ZFAND3: variants seen among roughly 807,000 people sequenced by gnomAD.
ZFAND3 encodes the protein AN1-type zinc finger protein 3.
A neutral mutation model predicts 29.6 loss-of-function variants in ZFAND3; 10 were observed. That is an observed-to-expected ratio of 0.34 (90% confidence interval 0.21 to 0.57). ZFAND3 has a LOEUF of 0.57. ZFAND3 is among the 20% of genes least tolerant of loss of function. ZFAND3 has a pLI of 0.86. For missense variants in ZFAND3, 230 were observed against 304.5 expected (o/e 0.76, Z 1.82); for synonymous variants, 128 against 112.6 (o/e 1.14, Z -0.87).
chr6:37,933,844 T>C (rs575164895), intron 2 of ZFAND3, among the ~76,000 whole-genome samples: 5 of 151,884 alleles, frequency 3.3e-5, no homozygotes, highest in Non-Finnish European at 7.4e-5. Context: ...CTTTAAAGGC[T>C]AAAATCATTT....
At chr6:37,854,390 A>G (rs904552945) in intron 1 of ZFAND3, among the ~76,000 whole-genome samples, 42 of 152,204 alleles carry the variant, frequency 2.8e-4, no homozygotes, top group African/African-American at 9.9e-4. Context: ...TTAATTTCAC[A>G]TGTTTTGGAC....
intron 5 of ZFAND3, among the ~76,000 whole-genome samples, chr6:38,138,783 TGAG>T (rs1236743058): frequency 1.9e-4 from 29 of 152,258 alleles, no homozygotes; most frequent in Non-Finnish European, 1.2e-4. Context: ...GCAGAGAAGA[TGAG>T]GAGATAAACT....
chr6:38,077,346 A>G (rs1215754995), intron 3 of ZFAND3, among the ~76,000 whole-genome samples: 1 of 152,206 alleles, frequency 6.6e-6, no homozygotes, highest in Non-Finnish European at 1.5e-5. Flanking sequence ...GATAGAGTGG[A>G]ATTGACAAGC....
At chr6:38,068,080 A>G (rs537548418) in intron 3 of ZFAND3, among the ~76,000 whole-genome samples, 5 of 152,304 alleles carry the variant, frequency 3.3e-5, no homozygotes, top group Non-Finnish European at 5.9e-5. Flanking sequence ...GAGAGTACCT[A>G]TCTCATACAA....
intron 3 of ZFAND3, among the ~76,000 whole-genome samples, chr6:38,065,231 G>A (rs9366947): frequency 0.083 from 12,613 of 151,822 alleles, 867 homozygotes; most frequent in East Asian, 0.38. Flanking sequence ...CAGGGGAATC[G>A]CTTGAACCCG....
intron 1 of ZFAND3, among the ~76,000 whole-genome samples, chr6:37,916,589 G>T (rs374002319): frequency 2.0e-5 from 3 of 152,318 alleles, no homozygotes; most frequent in African/African-American, 7.2e-5. Flanking sequence ...GAACCCTGGA[G>T]GCAGAGGTTG....
intron 2 of ZFAND3, among the ~76,000 whole-genome samples, chr6:37,981,866 G>A (rs546390680): frequency 6.6e-6 from 1 of 152,078 alleles, no homozygotes; most frequent in South Asian, 2.1e-4. Context: ...ACACAGCTTG[G>A]TTTTATATAT....
chr6:37,953,441 C>CTTTTTTTTTTTTTTTTTTT (rs35182018), intron 2 of ZFAND3, among the ~76,000 whole-genome samples: 2 of 106,224 alleles, frequency 1.9e-5, no homozygotes, highest in Non-Finnish European at 3.7e-5. Flanking sequence ...GCATAATTAT[C>CTTTTTTTTTTTTTTTTTTT]TTTTTTTTTT....
At position 37,891,416 on chromosome 6, in the gene ZFAND3, T is replaced by TCC. The variant is rs113061455; in HGVS notation, c.72-38534_72-38533dup. Among the ~76,000 whole-genome samples, 378 of 117,182 alleles carry TCC rather than the reference T, an allele frequency of 3.2e-3. 12 individuals are homozygous for TCC. Among genetic ancestry groups the TCC allele is most frequent in the Admixed American group, 5.7e-3 (68 of 11,866 alleles). 76.9% of individuals were successfully genotyped at this position (117,182 alleles called of 152,430 possible). ...TTTGACAAATAGTTGGAGATTTCAG[T>TCC]CCCCCCCCCCGCCTTTAAAATACAA... is the stretch of plus-strand genomic sequence containing the variant. On this transcript the variant is annotated intron_variant, in intron 1 of 5. Coordinates refer to ENST00000287218, the MANE Select transcript of ZFAND3 (RefSeq NM_021943.3).
intron 2 of ZFAND3, among the ~76,000 whole-genome samples, chr6:38,016,030 A>T (rs553792777): frequency 6.6e-6 from 1 of 152,376 alleles, no homozygotes; most frequent in African/African-American, 2.4e-5. Flanking sequence ...TGGGCCATAC[A>T]TTCAGTCACC....
chr6:38,069,213 G>T (rs1764405493), intron 3 of ZFAND3, among the ~76,000 whole-genome samples: 1 of 152,068 alleles, frequency 6.6e-6, no homozygotes, highest in African/African-American at 2.4e-5. Context: ...CCAGATATTG[G>T]GCAAAACAGG....
chr6:37,857,998 C>G (rs889641896), intron 1 of ZFAND3, among the ~76,000 whole-genome samples: 2 of 152,046 alleles, frequency 1.3e-5, no homozygotes, highest in African/African-American at 4.8e-5. Context: ...CTCTTCCTTC[C>G]TAGACTAGGA....
At chr6:38,034,246 T>C (rs78384843) in intron 2 of ZFAND3, among the ~76,000 whole-genome samples, 8,585 of 152,248 alleles carry the variant, frequency 0.056, 651 homozygotes, top group East Asian at 0.38. Context: ...ATGAAGCTTT[T>C]ACCTTCTCCA....
intron 1 of ZFAND3, among the ~76,000 whole-genome samples, chr6:37,898,171 G>A (rs949840165): frequency 4.6e-5 from 7 of 152,046 alleles, no homozygotes; most frequent in Non-Finnish European, 5.9e-5. Flanking sequence ...TTTATATTTC[G>A]CATTTGGGTC....
chr6:38,043,334 T>TAA (rs1057229082), intron 2 of ZFAND3, among the ~76,000 whole-genome samples: 2 of 144,064 alleles, frequency 1.4e-5, no homozygotes, highest in Admixed American at 1.4e-4. Context: ...GATTTTAGGT[T>TAA]AAAAAAAAAA....
At chr6:37,896,580 C>CTCTT (rs1561926034) in intron 1 of ZFAND3, among the ~76,000 whole-genome samples, 17 of 76,770 alleles carry the variant, frequency 2.2e-4, no homozygotes, top group African/African-American at 6.0e-4. Context: ...CTCTCTTTCT[C>CTCTT]TCTCTTTCTC....
At chr6:38,061,800 G>A (rs375096774) in intron 3 of ZFAND3, 25 bp downstream of exon 3, 1 of 1,611,684 alleles carries the variant, frequency 6.2e-7, no homozygotes, top group Admixed American at 1.7e-5. Context: ...TCTGAGGGGT[G>A]GTAGAGAGAG....
At chr6:38,079,587 G>T (rs1764619117) in intron 3 of ZFAND3, among the ~76,000 whole-genome samples, 1 of 152,104 alleles carries the variant, frequency 6.6e-6, no homozygotes, top group Middle Eastern at 3.2e-3. Flanking sequence ...ATTTTGATTT[G>T]ACAGTTTCTC....
intron 1 of ZFAND3, among the ~76,000 whole-genome samples, chr6:37,822,630 C>A (rs978848333): frequency 6.6e-6 from 1 of 152,130 alleles, no homozygotes; most frequent in Non-Finnish European, 1.5e-5. Flanking sequence ...AGTTGCAATA[C>A]GTTGTACAGG....
Sources: allele counts gnomAD v4.1 joint callset (sites outside exome capture counted in the v4.1 genomes callset), GRCh38; gene constraint gnomAD v4.1.1; transcripts MANE v1.5; gene names NCBI Gene and HGNC (gene_info 2026-07-23, HGNC 2026-07-21).